MAVS: variants seen among roughly 807,000 people sequenced by gnomAD.
MAVS encodes the protein mitochondrial antiviral-signaling protein.
A neutral mutation model predicts 30.2 loss-of-function variants in MAVS; 20 were observed. The ratio of observed to expected loss-of-function variants is 0.66; its 90% confidence interval spans 0.47 to 0.96. The LOEUF (loss-of-function observed/expected upper bound fraction) is 0.96. MAVS is among the 40% of genes least tolerant of loss of function. MAVS has a pLI of 0.00. For synonymous variants in MAVS, 278 were observed against 293.9 expected (o/e 0.95, Z 0.55); for missense variants, 624 against 701.1 (o/e 0.89, Z 1.24).
chr20:3,855,913 G>A (rs1019656098), intron 2 of MAVS, among the ~76,000 whole-genome samples: 1 of 151,970 alleles, frequency 6.6e-6, no homozygotes, highest in African/African-American at 2.4e-5. Flanking sequence ...TGAGTAGCTG[G>A]GGTTACAGGC....
At chr20:3,848,674 C>G (rs762842290) in intron 1 of MAVS, among the ~76,000 whole-genome samples, 36 of 152,188 alleles carry the variant, frequency 2.4e-4, no homozygotes, top group Non-Finnish European at 2.8e-4. Flanking sequence ...GGTCTCATGC[C>G]TGCCTGATGC....
At chr20:3,861,540 T>C (rs1334347551) in intron 4 of MAVS, 36 bp downstream of exon 4, 2 of 1,599,430 alleles carry the variant, frequency 1.3e-6, no homozygotes. Flanking sequence ...CCACCACTTT[T>C]GTGTTCCTAT....
Position 3,867,535 on chromosome 20 carries a change from G to C in MAVS, c.*1388G>C, listed in dbSNP as rs1396290155. On this transcript the variant is annotated 3_prime_UTR_variant, in exon 7 of 7. Coordinates refer to ENST00000428216, the MANE Select transcript of MAVS (RefSeq NM_020746.5). Reference sequence around the variant, plus strand: ...CACTTGAGCCCAGAAGCTTGAAGCTGCAGTGAGCTAGGATCGTGCCACTGC... The same window carrying C: ...CACTTGAGCCCAGAAGCTTGAAGCTCCAGTGAGCTAGGATCGTGCCACTGC... The C allele has an allele frequency of 1.2e-5, 2 of 164,866 alleles. No homozygotes were observed. The highest frequency in any genetic ancestry group is 4.8e-5 in the African/African-American group (2 of 41,548). The allele number at this position is 164,866 out of a possible 1,614,324, so 10.2% of individuals were successfully genotyped here.
Position 3,867,084 on chromosome 20 carries a change from C to G in MAVS, c.*937C>G. The G allele has an allele frequency of 2.2e-6, 1 of 456,684 alleles. No individual in the cohort carries two copies. Among genetic ancestry groups the G allele is most frequent in the Admixed American group, 2.3e-5 (1 of 42,574 alleles). 28.3% of individuals were successfully genotyped at this position (456,684 alleles called of 1,614,324 possible). ...CCAGAGCAAGTGGCCACTGCTTCTC[C>G]CATCTCTCTCCTGCCCAACCTGGTA... On this transcript the variant is annotated 3_prime_UTR_variant, in exon 7 of 7. Transcript: ENST00000428216.
At chr20:3,853,693 C>T (rs2089784160) in intron 1 of MAVS, among the ~76,000 whole-genome samples, 1 of 152,028 alleles carries the variant, frequency 6.6e-6, no homozygotes, top group Non-Finnish European at 1.5e-5. Context: ...ACCGGGGATG[C>T]TGAGGCGGGA....
At chr20:3,860,602 C>T (rs777770726) in intron 3 of MAVS, among the ~76,000 whole-genome samples, 6 of 148,294 alleles carry the variant, frequency 4.0e-5, no homozygotes, top group African/African-American at 1.2e-4. Context: ...CTCGAACTCA[C>T]GACCTCAGGT....
Position 3,864,723 on chromosome 20 carries a change from A to G in MAVS, c.1093A>G (p.Thr365Ala), listed in dbSNP as rs752356121. The change falls in exon 6 of 7, where the codon ACT (threonine) becomes GCT (alanine). Residue 365 changes from threonine (T) to alanine (A), a missense_variant. Thr to Ala is a moderately conservative substitution (Grantham distance 58). Transcript: ENST00000428216. ...RAGMVPSKVPTSMVLTKVSAS... is the reference protein window; with the variant it reads ...RAGMVPSKVPASMVLTKVSAS... ...TGGCATGGTGCCATCCAAAGTGCCT[A>G]CTAGCATGGTGCTCACCAAGGTGTC... 5 of 1,614,120 alleles carry G rather than the reference A, an allele frequency of 3.1e-6. No individual in the cohort carries two copies. The highest frequency in any genetic ancestry group is 2.2e-5 in the East Asian group (1 of 44,900).
intron 1 of MAVS, among the ~76,000 whole-genome samples, chr20:3,847,719 G>T (rs1423139546): frequency 2.0e-5 from 3 of 152,202 alleles, no homozygotes; most frequent in Admixed American, 2.0e-4. Context: ...CCCGCCAAGT[G>T]ACCTTGGGTC....
In MAVS at chr20:3,865,973, T is replaced by C. The variant is rs745606562; in HGVS notation, c.1449T>C (p.Pro483=). The change falls in exon 7 of 7, where the codon CCT becomes CCC. Residue 483 remains proline (P), a synonymous_variant. Transcript: ENST00000428216. The surrounding 1 kb of genome is among the most constrained non-coding windows in gnomAD (Gnocchi z 4.7). ...GCATCCAGCTCCTGGAGGGCAACCCTGGGCCACCTGCGGACCCGGATGGCG... is the reference window on the plus strand; with the variant it reads ...GCATCCAGCTCCTGGAGGGCAACCCCGGGCCACCTGCGGACCCGGATGGCG... ...NPSIQLLEGN[P]GPPADPDGGP... 10 of 1,613,454 alleles carry C rather than the reference T, an allele frequency of 6.2e-6. No homozygotes were observed. The highest frequency in any genetic ancestry group is 8.5e-6 in the Non-Finnish European group (10 of 1,180,008).
chr20:3,853,642 A>T (rs752019308), intron 1 of MAVS, among the ~76,000 whole-genome samples: 13 of 152,038 alleles, frequency 8.6e-5, no homozygotes, highest in Admixed American at 1.3e-4. Flanking sequence ...AAAAATAAAA[A>T]AATTAGCTGG....
chr20:3,867,888 T>C lies in MAVS; in HGVS notation c.*1741T>C, dbSNP rs1214816829. The C allele has an allele frequency of 3.3e-5, 5 of 152,196 alleles. No homozygotes were observed. Among genetic ancestry groups the C allele is most frequent in the African/African-American group, 1.2e-4 (5 of 41,352 alleles). 9.4% of individuals were successfully genotyped at this position (152,196 alleles called of 1,614,324 possible). Reference sequence around the variant, plus strand: ...GGTGGATTGGGGGTATCCTTATGGGTTCTTTTCAGGGAACCATTGCTGGAC... The same window carrying C: ...GGTGGATTGGGGGTATCCTTATGGGCTCTTTTCAGGGAACCATTGCTGGAC... On this transcript the variant is annotated 3_prime_UTR_variant, in exon 7 of 7. Coordinates refer to ENST00000428216, the MANE Select transcript of MAVS (RefSeq NM_020746.5).
intron 1 of MAVS, among the ~76,000 whole-genome samples, chr20:3,849,788 A>C (rs1343720856): frequency 2.0e-5 from 3 of 152,102 alleles, no homozygotes; most frequent in African/African-American, 7.2e-5. Context: ...TTTGGGTATT[A>C]ATTTACTGAT....
chr20:3,857,035 GAA>G (rs753537485), intron 2 of MAVS, among the ~76,000 whole-genome samples: 9 of 84,440 alleles, frequency 1.1e-4, no homozygotes, highest in Non-Finnish European at 1.3e-4. Flanking sequence ...GACTCCGTCT[GAA>G]AAAAAAAAAA....
At position 3,872,446 on chromosome 20, in the gene MAVS, A is replaced by C. The variant is rs17212649; in HGVS notation, c.*6299A>C. 1 of 152,256 alleles carries C rather than the reference A, an allele frequency of 6.6e-6. No homozygotes were observed. Among genetic ancestry groups the C allele is most frequent in the Non-Finnish European group, 1.5e-5 (1 of 68,048 alleles). The allele number at this position is 152,256 out of a possible 1,614,324, so 9.4% of individuals were successfully genotyped here. On this transcript the variant is annotated 3_prime_UTR_variant, in exon 7 of 7. Transcript: ENST00000428216. Reference sequence around the variant, plus strand: ...GAGGGAGACCCTGTCTTTAAAGTACATAGAGGTTTTTCACACCAACACATC... The same window carrying C: ...GAGGGAGACCCTGTCTTTAAAGTACCTAGAGGTTTTTCACACCAACACATC...
rs1229000875 is a variant in MAVS at position 3,866,581 on chromosome 20, G to A, written c.*434G>A. 3 of 350,270 alleles carry A rather than the reference G, an allele frequency of 8.6e-6. No individual in the cohort carries two copies. The Admixed American group carries it at 1.2e-4, about 14-fold the overall frequency. 21.7% of individuals were successfully genotyped at this position (350,270 alleles called of 1,614,324 possible). On this transcript the variant is annotated 3_prime_UTR_variant, in exon 7 of 7. Coordinates refer to ENST00000428216, the MANE Select transcript of MAVS (RefSeq NM_020746.5). Reference sequence around the variant, plus strand: ...CAGGGCAGGTATGTGGTGTGTGGGCGACTCCACAAGACCTGCCTCCCATCC... The same window carrying A: ...CAGGGCAGGTATGTGGTGTGTGGGCAACTCCACAAGACCTGCCTCCCATCC...
rs767353222 is a variant in MAVS, at chr20:3,865,706, C to T, written c.1182C>T (p.Pro394=). 42 of 1,609,212 alleles carry T rather than the reference C, an allele frequency of 2.6e-5. No homozygotes were observed. The highest frequency in any genetic ancestry group is 1.9e-4 in the African/African-American group (14 of 74,846). ...RNEETPAAPT[P]AGATGGSSAW... ...AGGAGACCCCAGCAGCTCCAACACC[C>T]GCCGGCGCCACTGGAGGCAGCTCAG... The change falls in exon 7 of 7, where the codon CCC becomes CCT. Residue 394 remains proline (P), a synonymous_variant. Coordinates refer to ENST00000428216, the MANE Select transcript of MAVS (RefSeq NM_020746.5). This position sits in a 1 kb window ranked among gnomAD's most constrained non-coding sequence, Gnocchi z 4.7.
Position 3,865,700 on chromosome 20 carries a change from A to C in MAVS, c.1176A>C (p.Pro392=). The C allele has an allele frequency of 6.2e-7, 1 of 1,607,836 alleles. No individual in the cohort carries two copies. The highest frequency in any genetic ancestry group is 8.5e-7 in the Non-Finnish European group (1 of 1,176,618). The part of the protein sequence containing the change: ...SSRNEETPAA[P]TPAGATGGSS... Reference sequence around the variant, plus strand: ...TTTCCCAGGAGACCCCAGCAGCTCCAACACCCGCCGGCGCCACTGGAGGCA... The same window carrying C: ...TTTCCCAGGAGACCCCAGCAGCTCCCACACCCGCCGGCGCCACTGGAGGCA... The change falls in exon 7 of 7, where the codon CCA becomes CCC. Residue 392 remains proline (P), a synonymous_variant. Transcript: ENST00000428216. The surrounding 1 kb of genome is among the most constrained non-coding windows in gnomAD (Gnocchi z 4.7).
intron 5 of MAVS, among the ~76,000 whole-genome samples, chr20:3,863,297 T>G (rs2089880233): frequency 1.3e-5 from 2 of 152,188 alleles, no homozygotes; most frequent in South Asian, 2.1e-4. Context: ...CCAGCATGTC[T>G]CTTTCCTACT....
Position 3,862,413 on chromosome 20 carries a change from G to A in MAVS, c.625G>A (p.Gly209Ser). 2 of 1,610,400 alleles carry A rather than the reference G, an allele frequency of 1.2e-6. No homozygotes were observed. The highest frequency in any genetic ancestry group is 2.2e-5 in the South Asian group (2 of 90,678). ...DTELGSTHTA[G>S]ATSSLTPSRG... ...AGAACTGGGCAGTACCCACACAGCA[G>A]GTATGCATGGAATCTGGAATTATAG... The change falls in exon 5 of 7, where the codon GGT becomes AGT. Residue 209 changes from glycine (G) to serine (S), a missense_variant and splice_region_variant. By Grantham distance (56) the Gly-to-Ser change is moderately conservative. Coordinates refer to ENST00000428216, the MANE Select transcript of MAVS (RefSeq NM_020746.5).
Sources: allele counts gnomAD v4.1 joint callset (sites outside exome capture counted in the v4.1 genomes callset), GRCh38; gene constraint gnomAD v4.1.1; non-coding constraint Gnocchi (gnomAD v3.1); transcripts MANE v1.5; gene names NCBI Gene and HGNC (gene_info 2026-07-23, HGNC 2026-07-21).